The following ADAMTSL1 variants were observed in gnomAD, a reference collection of about 807,000 sequenced individuals.
ADAMTSL1 encodes ADAMTS like 1.
In ADAMTSL1, 126 loss-of-function variants were observed where a neutral mutation model predicts 201.8. The ratio of observed to expected loss-of-function variants is 0.62; its 90% CI spans 0.54 to 0.72. The LOEUF is 0.72. Ranked by LOEUF, ADAMTSL1 falls within the 30% of genes least tolerant of loss-of-function variation. ADAMTSL1 has a pLI of 0.00. For missense variants in ADAMTSL1, 2,679 were observed against 2,277.8 expected, an observed-to-expected ratio of 1.18 and a Z score of -3.59; for synonymous variants, 1,121 against 903.4, an observed-to-expected ratio of 1.24 and a Z score of -4.32.
intron 23 of ADAMTSL1, among the ~76,000 whole-genome samples, chr9:18,831,205 C>T (rs1409699883): frequency 6.6e-6 from 1 of 152,200 alleles, no homozygotes; most frequent in Non-Finnish European, 1.5e-5. Flanking sequence ...TAACAAGTAG[C>T]CCTATTCTGT....
intron 1 of ADAMTSL1, among the ~76,000 whole-genome samples, chr9:18,500,844 G>A (rs1425711431): frequency 6.6e-6 from 1 of 152,122 alleles, no homozygotes; most frequent in Non-Finnish European, 1.5e-5. Context: ...CTTAATAGTT[G>A]TTCTTTAGTT....
At chr9:18,206,019 A>T (rs1829633853) in intron 2 of ADAMTSL1, among the ~76,000 whole-genome samples, 1 of 122,444 alleles carries the variant, frequency 8.2e-6, no homozygotes, top group South Asian at 2.9e-4. Context: ...ACGTCATTGC[A>T]CCTCACCCTG....
intron 1 of ADAMTSL1, among the ~76,000 whole-genome samples, chr9:18,476,440 T>C (rs1299650436): frequency 1.3e-5 from 2 of 152,164 alleles, no homozygotes; most frequent in African/African-American, 4.8e-5. Flanking sequence ...TTGTTGCAGA[T>C]ATTTAGGCTT....
intron 5 of ADAMTSL1, among the ~76,000 whole-genome samples, chr9:18,623,692 GA>G (rs1286491157): frequency 7.2e-5 from 11 of 152,184 alleles, no homozygotes; most frequent in Non-Finnish European, 1.3e-4. Context: ...CACTGCAGCA[GA>G]TACAGATAGA....
chr9:17,992,711 G>A (rs1462929063), intron 1 of ADAMTSL1, among the ~76,000 whole-genome samples: 1 of 152,102 alleles, frequency 6.6e-6, no homozygotes, highest in East Asian at 1.9e-4. Context: ...CTGGGTGAAC[G>A]GGCAAGACCC....
intron 22 of ADAMTSL1, 90 bp from the exon 23 acceptor site, chr9:18,829,753 T>C: frequency 6.5e-7 from 1 of 1,529,066 alleles, no homozygotes. Context: ...TACGCATACA[T>C]GTGCACACAC....
At chr9:18,378,949 G>C (rs535068547) in intron 2 of ADAMTSL1, among the ~76,000 whole-genome samples, 25 of 152,244 alleles carry the variant, frequency 1.6e-4, no homozygotes, top group Non-Finnish European at 3.5e-4. Context: ...AATTAGCTTT[G>C]GGCTGCAGGA....
chr9:18,572,048 A>T (rs1444306195), intron 3 of ADAMTSL1, among the ~76,000 whole-genome samples: 2 of 152,042 alleles, frequency 1.3e-5, no homozygotes, highest in African/African-American at 4.8e-5. Flanking sequence ...TAAAAAAATG[A>T]GCTGGGTGTG....
chr9:18,022,000 G>A (rs1563953601), intron 1 of ADAMTSL1, among the ~76,000 whole-genome samples: 1 of 152,070 alleles, frequency 6.6e-6, no homozygotes, highest in Non-Finnish European at 1.5e-5. Context: ...GGTGATAAAA[G>A]GCATGAGGAG....
At chr9:17,937,624 A>ATGTT (rs370726822) in intron 1 of ADAMTSL1, among the ~76,000 whole-genome samples, 1 of 1,198 alleles carries the variant, frequency 8.3e-4, no homozygotes, top group Non-Finnish European at 6.6e-3. Flanking sequence ...TAAATTCCTA[A>ATGTT]AATCTTGTTG....
Position 17,921,171 on chromosome 9 carries a change from C to G in ADAMTSL1, c.87+14249C>G, listed in dbSNP as rs550346937. Among the ~76,000 whole-genome samples, 110 of 152,146 alleles carry G rather than the reference C, an allele frequency of 7.2e-4. No homozygotes were observed. The South Asian group carries it at 9.3e-3, about 13-fold the overall frequency. On this transcript the variant is annotated intron_variant, in intron 1 of 29. Transcript: ENST00000680146. ...TGTATTTATTTGTTTGTTATACTTT[C>G]TAAAGGATTTTCTCAATTTTATTTT...
At chr9:18,797,508 C>T (rs1476832609) in intron 20 of ADAMTSL1, among the ~76,000 whole-genome samples, 1 of 152,076 alleles carries the variant, frequency 6.6e-6, no homozygotes, top group African/African-American at 2.4e-5. Flanking sequence ...GGATACCCGG[C>T]TACCTAGAAT....
At chr9:18,299,024 T>TA (rs1168294541) in intron 2 of ADAMTSL1, among the ~76,000 whole-genome samples, 2 of 122,554 alleles carry the variant, frequency 1.6e-5, no homozygotes, top group Non-Finnish European at 3.5e-5. Flanking sequence ...AAAAAAAAAA[T>TA]AATAATAATA....
intron 2 of ADAMTSL1, among the ~76,000 whole-genome samples, chr9:18,203,136 C>T (rs1384156768): frequency 6.6e-6 from 1 of 152,106 alleles, no homozygotes; most frequent in Non-Finnish European, 1.5e-5. Flanking sequence ...AGGCCGTGCT[C>T]ATGCTCTGTT....
chr9:18,789,468 C>T (rs183752021), intron 19 of ADAMTSL1, among the ~76,000 whole-genome samples: 32 of 152,278 alleles, frequency 2.1e-4, no homozygotes, highest in Admixed American at 7.2e-4. Flanking sequence ...AACCACTGTC[C>T]GCTATGCTAT....
intron 2 of ADAMTSL1, among the ~76,000 whole-genome samples, chr9:18,328,135 A>C (rs1224432846): frequency 1.3e-5 from 2 of 152,244 alleles, no homozygotes; most frequent in Non-Finnish European, 2.9e-5. Context: ...CTGAATATCC[A>C]GGAAGAATTG....
chr9:18,267,088 A>G (rs1291922006), intron 2 of ADAMTSL1, among the ~76,000 whole-genome samples: 4 of 152,174 alleles, frequency 2.6e-5, no homozygotes, highest in Non-Finnish European at 4.4e-5. Flanking sequence ...TGCAAAAAGA[A>G]TTGCAGTGGC....
intron 2 of ADAMTSL1, among the ~76,000 whole-genome samples, chr9:18,192,968 C>A (rs1218791971): frequency 2.0e-5 from 3 of 152,070 alleles, no homozygotes; most frequent in East Asian, 1.9e-4. Context: ...TACACAGGAA[C>A]TATCTAACCA....
intron 1 of ADAMTSL1, among the ~76,000 whole-genome samples, chr9:17,927,292 G>A (rs958513988): frequency 2.0e-5 from 3 of 152,062 alleles, no homozygotes; most frequent in Non-Finnish European, 4.4e-5. Context: ...ATATGTACAT[G>A]TGTATGTACA....
Sources: gnomAD v4.1 joint callset for allele counts (sites outside exome capture counted in the v4.1 genomes callset) on GRCh38, gnomAD v4.1.1 for gene constraint, MANE v1.5 for transcripts, NCBI Gene and HGNC (gene_info 2026-07-23, HGNC 2026-07-21) for gene names.